GVQW3: variants seen among roughly 807,000 people sequenced by gnomAD.
The protein encoded by GVQW3 is protein GVQW3.
In GVQW3, 7 loss-of-function variants were observed where a neutral mutation model predicts 12.5. That is an observed-to-expected ratio of 0.56 (90% CI 0.32 to 1.05). The LOEUF is 1.05. Among genes scored for constraint, GVQW3 ranks in the 50% least tolerant of loss-of-function variants. The pLI is 0.04. For synonymous variants in GVQW3, 71 were observed against 67.2 expected (o/e 1.06, Z -0.28); for missense variants, 188 against 190.8 (o/e 0.99, Z 0.09).
At position 76,393,891 on chromosome 11, in the gene GVQW3, A is replaced by G. The variant is rs185179798; in HGVS notation, c.466-9769A>G. ...AAACAATCCAGTTATACTCTTAGTT[A>G]TTATTATTATTATTATTATTATTTT... On this transcript the variant is annotated intron_variant, in intron 1 of 1. Transcript: ENST00000529331. 4.1e-3 allele frequency among the ~76,000 whole-genome samples: 438 copies of G among 107,004 alleles called. 1 individual carries two copies. The highest frequency in any genetic ancestry group is 6.6e-3 in the Admixed American group (76 of 11,480). 70.2% of individuals were successfully genotyped at this position (107,004 alleles called of 152,430 possible).
intron 1 of GVQW3, chr11:76,382,530 C>G: frequency 1.6e-6 from 1 of 606,484 alleles, no homozygotes; most frequent in Non-Finnish European, 2.9e-6. Flanking sequence ...TTTGGCTGCT[C>G]ACGTATTTTT....
In GVQW3 at chr11:76,391,682, G is replaced by A. The variant is rs547749048; in HGVS notation, c.465+9389G>A. On this transcript the variant is annotated intron_variant, in intron 1 of 1. Transcript: ENST00000529331. ...AAAAACATCCAGCCAGGCTGGGTGC[G>A]GTGGCTCATACCTGTAATCTCAGCA... is the stretch of plus-strand genomic sequence containing the variant. Among the ~76,000 whole-genome samples the A allele has an allele frequency of 1.9e-4, 29 of 152,274 alleles. No homozygotes were observed. In the South Asian group the frequency reaches 5.4e-3, roughly 28 times the overall value.
chr11:76,384,064 T>C (rs982457867), intron 1 of GVQW3, among the ~76,000 whole-genome samples: 2 of 152,228 alleles, frequency 1.3e-5, no homozygotes, highest in African/African-American at 4.8e-5. Flanking sequence ...ATTTATGGAA[T>C]GGAACTTTTC....
intron 1 of GVQW3, among the ~76,000 whole-genome samples, chr11:76,398,621 CT>C (rs1946960964): frequency 6.6e-6 from 1 of 151,946 alleles, no homozygotes; most frequent in South Asian, 2.1e-4. Flanking sequence ...CCTCAATTTT[CT>C]TTAAAAAACA....
intron 1 of GVQW3, among the ~76,000 whole-genome samples, chr11:76,394,119 G>C (rs922591389): frequency 6.6e-6 from 1 of 152,130 alleles, no homozygotes; most frequent in African/African-American, 2.4e-5. Flanking sequence ...GGCTGGTTTT[G>C]AACTTGTGAC....
At chr11:76,400,501 A>G (rs1720229615) in intron 1 of GVQW3, among the ~76,000 whole-genome samples, 1 of 151,600 alleles carries the variant, frequency 6.6e-6, no homozygotes, top group Non-Finnish European at 1.5e-5. Context: ...GTTCACTGCA[A>G]CCTCCGCCTC....
intron 1 of GVQW3, among the ~76,000 whole-genome samples, chr11:76,402,229 CTT>C (rs1487309771): frequency 6.6e-6 from 1 of 152,128 alleles, no homozygotes; most frequent in Non-Finnish European, 1.5e-5. Flanking sequence ...AGAAATTTCT[CTT>C]TATATTTTTC....
intron 1 of GVQW3, among the ~76,000 whole-genome samples, chr11:76,387,047 C>A (rs183360063): frequency 6.6e-6 from 1 of 152,160 alleles, no homozygotes; most frequent in African/African-American, 2.4e-5. Context: ...ATGAGCACAG[C>A]TGTGTTCCAA....
intron 1 of GVQW3, among the ~76,000 whole-genome samples, chr11:76,395,887 A>C (rs1051755200): frequency 2.0e-5 from 3 of 152,204 alleles, no homozygotes; most frequent in Admixed American, 2.0e-4. Context: ...AGACCAGAGT[A>C]ATATTAGTCT....
In GVQW3 at chr11:76,405,951, C is replaced by G. The variant is rs2134566551; in HGVS notation, c.*2193C>G. The G allele has an allele frequency of 1.3e-5, 2 of 152,268 alleles. No homozygotes were observed. Among genetic ancestry groups the G allele is most frequent in the East Asian group, 3.9e-4 (2 of 5,184 alleles). The allele number at this position is 152,268 out of a possible 1,614,324, so 9.4% of individuals were successfully genotyped here. On this transcript the variant is annotated 3_prime_UTR_variant, in exon 2 of 2. Transcript: ENST00000529331. The stretch of plus-strand genomic sequence containing the variant: ...TGCTAGAATTACAGGCATTAGCCAC[C>G]ATGCCTGGCCTGGAGATCAGTTCTT...
chr11:76,409,814 C>A (rs534606983), downstream of GVQW3, among the ~76,000 whole-genome samples: 3 of 152,264 alleles, frequency 2.0e-5, no homozygotes, highest in African/African-American at 7.2e-5. Context: ...TCACCCAGCA[C>A]CCTATCAGAG....
At chr11:76,400,459 C>T (rs1347956691) in intron 1 of GVQW3, among the ~76,000 whole-genome samples, 2 of 151,678 alleles carry the variant, frequency 1.3e-5, no homozygotes, top group Admixed American at 6.6e-5. Flanking sequence ...TCACTTTTGT[C>T]GCCCAGGCTG....
In GVQW3 at chr11:76,382,095, C is replaced by G. The variant is rs1435344591; in HGVS notation, c.267C>G (p.Thr89=). The change falls in exon 1 of 2, where the codon ACC becomes ACG. Residue 89 remains threonine (T), a synonymous_variant. Transcript: ENST00000529331. ...KDLVCSNRQL[T]VRMMAEELNL... is the part of the protein sequence containing the mutation. ...TGGTTTGTTCAAACAGGCAGTTAACCGTGAGGATGATGGCTGAAGAGTTAA... is the reference window on the plus strand; with the variant it reads ...TGGTTTGTTCAAACAGGCAGTTAACGGTGAGGATGATGGCTGAAGAGTTAA... 1 of 1,536,500 alleles carries G rather than the reference C, an allele frequency of 6.5e-7. No individual in the cohort carries two copies. Among genetic ancestry groups the G allele is most frequent in the South Asian group, 1.2e-5 (1 of 84,058 alleles).
intron 1 of GVQW3, among the ~76,000 whole-genome samples, chr11:76,391,631 A>C (rs984961676): frequency 6.6e-5 from 10 of 152,354 alleles, no homozygotes; most frequent in African/African-American, 2.4e-4. Context: ...CATCAGACCC[A>C]TCTCCTTGCC....
intron 1 of GVQW3, among the ~76,000 whole-genome samples, chr11:76,400,004 T>TACACACAC (rs1346744906): frequency 1.3e-5 from 1 of 78,758 alleles, no homozygotes; most frequent in East Asian, 3.4e-4. Flanking sequence ...TCTCTCTCTG[T>TACACACAC]ATACACACAC....
chr11:76,398,726 G>A (rs985031218), intron 1 of GVQW3, among the ~76,000 whole-genome samples: 9 of 152,146 alleles, frequency 5.9e-5, no homozygotes, highest in African/African-American at 2.2e-4. Flanking sequence ...CTCCTGAAGT[G>A]CTAGGATTAT....
chr11:76,414,074 T>G (rs534993746), exon 2 of GVQW3: 1 of 152,294 alleles, frequency 6.6e-6, no homozygotes, highest in African/African-American at 2.4e-5. Context: ...GGTCACAAAC[T>G]TCTGTCTCTG....
intron 1 of GVQW3, among the ~76,000 whole-genome samples, chr11:76,384,589 C>T (rs1946813188): frequency 6.6e-6 from 1 of 152,202 alleles, no homozygotes; most frequent in Admixed American, 6.5e-5. Context: ...TCCCAAAGTG[C>T]TGGGATTACA....
chr11:76,384,213 G>A (rs1175993994), intron 1 of GVQW3, among the ~76,000 whole-genome samples: 1 of 152,206 alleles, frequency 6.6e-6, no homozygotes, highest in Non-Finnish European at 1.5e-5. Flanking sequence ...AAACAATATT[G>A]CTTGATAGTA....
Sources: allele counts gnomAD v4.1 joint callset (sites outside exome capture counted in the v4.1 genomes callset), GRCh38; gene constraint gnomAD v4.1.1; transcripts MANE v1.5; gene names NCBI Gene and HGNC (gene_info 2026-07-23, HGNC 2026-07-21).